Variants in STMN2 observed in about 807,000 individuals in gnomAD.
STMN2 encodes stathmin-2.
STMN2 carries 2 observed loss-of-function variants against 24.1 expected under a neutral mutation model. That is an observed-to-expected ratio of 0.08 (90% CI 0.03 to 0.26). The LOEUF is 0.26. Among genes scored for constraint, STMN2 ranks in the 10% least tolerant of loss-of-function variants. STMN2 has a pLI of 1.00. For missense variants in STMN2, 114 were observed against 213.6 expected, an observed-to-expected ratio of 0.53 and a Z score of 2.91; for synonymous variants, 83 against 77.5, an observed-to-expected ratio of 1.07 and a Z score of -0.37.
At chr8:79,641,251 T>C in intron 2 of STMN2, 127 bp from the exon 3 acceptor site, 1 of 977,236 alleles carries the variant, frequency 1.0e-6, no homozygotes, top group Non-Finnish European at 1.5e-6. Flanking sequence ...CAAATGCTCA[T>C]AAACAGCATT....
rs1225909950 is a variant in STMN2, at chr8:79,663,698, T to C, written c.481-1117T>C. 7.1e-6 allele frequency: 10 copies of C among 1,417,440 alleles called. 1 individual carries two copies. In the East Asian group the frequency reaches 2.2e-4, roughly 32 times the overall value. The allele number at this position is 1,417,440 out of a possible 1,614,324, so 87.8% of individuals were successfully genotyped here. A position where few individuals can be genotyped will look rare whatever the true frequency, so the allele number is the denominator to read the frequency against. On this transcript the variant is annotated intron_variant, in intron 4 of 4. Coordinates refer to ENST00000220876, the MANE Select transcript of STMN2 (RefSeq NM_007029.4). ...TCTACAGAAATATAAATAATACTAC[T>C]AATAATTAGCATCTTAAAATTTCAA...
chr8:79,619,505 C>G (rs573335222), intron 1 of STMN2, among the ~76,000 whole-genome samples: 2 of 152,140 alleles, frequency 1.3e-5, no homozygotes, highest in African/African-American at 4.8e-5. Context: ...ACGAAACAAC[C>G]CCAACTTATA....
intron 3 of STMN2, among the ~76,000 whole-genome samples, chr8:79,642,368 A>T (rs1312376926): frequency 6.6e-6 from 1 of 152,186 alleles, no homozygotes; most frequent in Admixed American, 6.5e-5. Context: ...TGTTCCAACC[A>T]TGTGGTTATG....
chr8:79,642,201 T>C (rs1356805131), intron 3 of STMN2, among the ~76,000 whole-genome samples: 1 of 152,222 alleles, frequency 6.6e-6, no homozygotes, highest in Non-Finnish European at 1.5e-5. Context: ...GATTTTTCTC[T>C]TTTTGCCATT....
intron 3 of STMN2, among the ~76,000 whole-genome samples, chr8:79,641,925 C>T (rs548144020): frequency 7.9e-5 from 12 of 152,176 alleles, no homozygotes; most frequent in African/African-American, 2.4e-4. Context: ...ACAGCCCTGG[C>T]GAACTCCAGT....
At chr8:79,655,122 C>T in intron 4 of STMN2, 60 bp downstream of exon 4, 2 of 1,573,696 alleles carry the variant, frequency 1.3e-6, no homozygotes, top group African/African-American at 1.4e-5. Context: ...GCTGGGTGAA[C>T]TTCCATATGC....
At chr8:79,633,472 T>C (rs115194930) in intron 1 of STMN2, among the ~76,000 whole-genome samples, 2,436 of 152,330 alleles carry the variant, frequency 0.016, 70 homozygotes, top group African/African-American at 0.056. Context: ...TAAAACAAAG[T>C]ACCATAGACT....
At chr8:79,614,589 G>A (rs1439394578) in intron 1 of STMN2, among the ~76,000 whole-genome samples, 7 of 152,214 alleles carry the variant, frequency 4.6e-5, no homozygotes, top group Admixed American at 4.6e-4. Flanking sequence ...AATAGACCTT[G>A]TGGTGTTTGT....
chr8:79,663,764 C>A, intron 4 of STMN2: 1 of 957,172 alleles, frequency 1.0e-6, no homozygotes, highest in Non-Finnish European at 1.5e-6. Flanking sequence ...ATATGCAAGA[C>A]AGTTTGATTT....
chr8:79,617,767 C>A (rs1459551960), intron 1 of STMN2, among the ~76,000 whole-genome samples: 1 of 152,232 alleles, frequency 6.6e-6, no homozygotes, highest in Non-Finnish European at 1.5e-5. Flanking sequence ...ATGGTGCTTT[C>A]TTTCAACTGT....
At chr8:79,652,351 A>G (rs1334544555) in intron 3 of STMN2, among the ~76,000 whole-genome samples, 6 of 152,164 alleles carry the variant, frequency 3.9e-5, no homozygotes, top group Non-Finnish European at 2.9e-5. Context: ...ATTTTCTAAA[A>G]TGAAGGTGCA....
At chr8:79,621,818 C>G (rs1297539573) in intron 1 of STMN2, among the ~76,000 whole-genome samples, 1 of 152,138 alleles carries the variant, frequency 6.6e-6, no homozygotes, top group East Asian at 1.9e-4. Flanking sequence ...CCATGTCTAC[C>G]CCTTTCTTGG....
chr8:79,638,332 G>A (rs541350745), intron 2 of STMN2, among the ~76,000 whole-genome samples: 2 of 152,298 alleles, frequency 1.3e-5, no homozygotes, highest in Non-Finnish European at 2.9e-5. Flanking sequence ...GAAAATATGT[G>A]AAGTTATGTG....
At chr8:79,624,000 A>G (rs951685137) in intron 1 of STMN2, among the ~76,000 whole-genome samples, 2 of 152,212 alleles carry the variant, frequency 1.3e-5, no homozygotes, top group African/African-American at 2.4e-5. Flanking sequence ...AAGTTTTTCT[A>G]ATTTCAGGAA....
At chr8:79,640,209 C>T (rs1448055934) in intron 2 of STMN2, among the ~76,000 whole-genome samples, 1 of 152,120 alleles carries the variant, frequency 6.6e-6, no homozygotes, top group Non-Finnish European at 1.5e-5. Flanking sequence ...AATAATAAGT[C>T]TCTTGCATTT....
intron 1 of STMN2, among the ~76,000 whole-genome samples, chr8:79,632,637 A>G (rs1809833178): frequency 1.3e-5 from 2 of 152,198 alleles, no homozygotes; most frequent in South Asian, 4.1e-4. Context: ...GGATTATGAC[A>G]CATTTTCTCC....
At chr8:79,649,639 C>T (rs186806383) in intron 3 of STMN2, among the ~76,000 whole-genome samples, 102 of 152,148 alleles carry the variant, frequency 6.7e-4, no homozygotes, top group Non-Finnish European at 1.3e-3. Context: ...GTCTGATCAA[C>T]GGTCCTGGAT....
intron 3 of STMN2, among the ~76,000 whole-genome samples, chr8:79,644,511 G>T (rs2130366030): frequency 6.6e-6 from 1 of 152,282 alleles, no homozygotes; most frequent in African/African-American, 2.4e-5. Flanking sequence ...TGGCCAAGAG[G>T]ATGTAGTAGT....
intron 1 of STMN2, among the ~76,000 whole-genome samples, chr8:79,627,511 A>C (rs1219748106): frequency 1.3e-5 from 2 of 152,220 alleles, no homozygotes; most frequent in African/African-American, 4.8e-5. Context: ...GGCATCCAAA[A>C]AGCTTACAGT....
Sources: gnomAD v4.1 joint callset for allele counts (sites outside exome capture counted in the v4.1 genomes callset) on GRCh38, gnomAD v4.1.1 for gene constraint, MANE v1.5 for transcripts, NCBI Gene and HGNC (gene_info 2026-07-23, HGNC 2026-07-21) for gene names.